Variants in KCNMB3 observed in about 807,000 individuals in gnomAD.
The protein encoded by KCNMB3 is potassium calcium-activated channel subfamily M regulatory beta subunit 3.
In KCNMB3, 18 loss-of-function variants were observed where a neutral mutation model predicts 11.9. The observed-to-expected ratio is 1.51, with a 90% CI of 1.04 to 2.23. KCNMB3 has a LOEUF of 2.23. KCNMB3 is among the 30% of genes most tolerant of loss of function. KCNMB3 has a pLI of 0.00. For synonymous variants in KCNMB3, 78 were observed against 119.2 expected (o/e 0.65, Z 2.25); for missense variants, 247 against 329.4 (o/e 0.75, Z 1.94).
At chr3:179,258,018 G>A (rs1248933171) in intron 1 of KCNMB3, among the ~76,000 whole-genome samples, 2 of 152,084 alleles carry the variant, frequency 1.3e-5, no homozygotes, top group African/African-American at 4.8e-5. Flanking sequence ...CGGAGTGGCT[G>A]GGATTACAGG....
upstream of KCNMB3, among the ~76,000 whole-genome samples, chr3:179,252,947 G>C (rs1385083314): frequency 6.6e-6 from 1 of 152,018 alleles, no homozygotes; most frequent in Non-Finnish European, 1.5e-5. Context: ...AGCCAGAATG[G>C]TCTCCATCTC....
chr3:179,251,158 C>T (rs200881459), upstream of KCNMB3: 1 of 1,613,186 alleles, frequency 6.2e-7, no homozygotes. Flanking sequence ...TTGTAGCAAA[C>T]AAGCCTAAGA....
intron 1 of KCNMB3, among the ~76,000 whole-genome samples, chr3:179,262,388 T>C (rs1346039732): frequency 6.6e-6 from 1 of 152,016 alleles, no homozygotes; most frequent in African/African-American, 2.4e-5. Context: ...CCTCTGGAGT[T>C]GTTCATTCCT....
At chr3:179,266,338 A>G (rs1305993111) in intron 1 of KCNMB3, among the ~76,000 whole-genome samples, 2 of 152,224 alleles carry the variant, frequency 1.3e-5, no homozygotes, top group East Asian at 1.9e-4. Flanking sequence ...TCCTCATTCA[A>G]CCAACAGATC....
At chr3:179,240,236 A>G, downstream of KCNMB3, 1 of 526,718 alleles carries the variant, frequency 1.9e-6, no homozygotes, top group Non-Finnish European at 3.4e-6. Flanking sequence ...GTAATGACTA[A>G]GAATACTTGA....
upstream of KCNMB3, among the ~76,000 whole-genome samples, chr3:179,254,672 C>T (rs546659071): frequency 3.2e-4 from 48 of 152,142 alleles, 1 homozygote; most frequent in Non-Finnish European, 5.7e-4. Flanking sequence ...ATTAGCTGGG[C>T]GTGGTGGCAC....
intron 1 of KCNMB3, among the ~76,000 whole-genome samples, chr3:179,261,565 T>C (rs1345685019): frequency 7.1e-6 from 1 of 141,534 alleles, no homozygotes; most frequent in African/African-American, 2.5e-5. Flanking sequence ...GCCCGCCCCA[T>C]GGCCCGCCCC....
rs747723727 is a variant in KCNMB3, at chr3:179,257,889, TGTGTGTG to T, written c.63-6962_63-6956del. ...ACATTGTTTTGTGTGTGTGTGTGTG[TGTGTGTG>T]TGTTTTTTAGACAGAGTTTCGCTCG... is the stretch of plus-strand genomic sequence containing the variant. On this transcript the variant is annotated intron_variant, in intron 1 of 3. Coordinates refer to the KCNMB3 transcript ENST00000349697. Among the ~76,000 whole-genome samples, 11 of 151,562 alleles carry T rather than the reference TGTGTGTG, an allele frequency of 7.3e-5. No individual in the cohort carries two copies. In the South Asian group the frequency reaches 1.7e-3, roughly 23 times the overall value.
At position 179,242,878 on chromosome 3, in the gene KCNMB3, G is replaced by A. The variant is rs376135200; in HGVS notation, c.*26C>T. 3.8e-6 allele frequency: 6 copies of A among 1,559,278 alleles called. No homozygotes were observed. In the African/African-American group the frequency reaches 8.2e-5, roughly 21 times the overall value. On this transcript the variant is annotated 3_prime_UTR_variant, in exon 3 of 3. Coordinates refer to ENST00000392685, the MANE Select transcript of KCNMB3 (RefSeq NM_171830.2). Reference sequence around the variant, plus strand: ...TTGCAGAAATCACAGACATCTGAAGGCCAGCACTTTAATTTGGCCACCGTC... The same window carrying A: ...TTGCAGAAATCACAGACATCTGAAGACCAGCACTTTAATTTGGCCACCGTC...
rs1004662757 is a variant in KCNMB3 at position 179,259,707 on chromosome 3, T to G, written c.62+6942A>C. ...AAGGGTTTCTATGGGTACTGGGGAT[T>G]TTTTCCTCTTCTTTTTCTTTTTCTT... On this transcript the variant is annotated intron_variant, in intron 1 of 3. Transcript: ENST00000349697. The G allele has an allele frequency of 8.8e-6, 14 of 1,593,302 alleles. No homozygotes were observed. The African/African-American group carries it at 1.5e-4, about 17-fold the overall frequency.
chr3:179,262,565 G>A (rs541206816), intron 1 of KCNMB3, among the ~76,000 whole-genome samples: 1 of 152,358 alleles, frequency 6.6e-6, no homozygotes, highest in Admixed American at 6.5e-5. Flanking sequence ...GACCTGAGCA[G>A]GTTGCCACTG....
chr3:179,247,282 AT>A (rs975834057), intron 1 of KCNMB3, among the ~76,000 whole-genome samples: 33 of 152,254 alleles, frequency 2.2e-4, no homozygotes, highest in Admixed American at 1.2e-3. Flanking sequence ...ACACACGGAC[AT>A]TTACTCAACA....
At chr3:179,261,299 C>T (rs1330702071) in intron 1 of KCNMB3, 2 of 1,260,340 alleles carry the variant, frequency 1.6e-6, no homozygotes, top group South Asian at 2.6e-5. Context: ...CCGCTCCACC[C>T]GGCGGGAAAC....
In KCNMB3 at chr3:179,261,174, G is replaced by C. The variant is rs981706244; in HGVS notation, c.62+5475C>G. Reference sequence around the variant, plus strand: ...ATGGGGATCTCACGAGCCTCCGCGCGGGCCTCCCGTTTTGCGGCGAGCCGG... The same window carrying C: ...ATGGGGATCTCACGAGCCTCCGCGCCGGCCTCCCGTTTTGCGGCGAGCCGG... On this transcript the variant is annotated intron_variant, in intron 1 of 3. Transcript: ENST00000349697. The C allele has an allele frequency of 9.7e-6, 13 of 1,335,426 alleles. No homozygotes were observed. In the African/African-American group the frequency reaches 1.0e-4, roughly 11 times the overall value. 82.7% of individuals were successfully genotyped at this position (1,335,426 alleles called of 1,614,324 possible).
chr3:179,254,421 C>T (rs1028523592), upstream of KCNMB3, among the ~76,000 whole-genome samples: 3 of 152,160 alleles, frequency 2.0e-5, no homozygotes, highest in Admixed American at 6.5e-5. Flanking sequence ...CTAAGAATTT[C>T]GTGTAATGTT....
chr3:179,259,783 TTTC>T (rs1726144451), intron 1 of KCNMB3: 2 of 1,602,252 alleles, frequency 1.2e-6, no homozygotes, highest in East Asian at 4.5e-5. Context: ...TGGTCATTCT[TTTC>T]TTCATCTGGC....
intron 1 of KCNMB3, among the ~76,000 whole-genome samples, chr3:179,263,037 C>A (rs889812112): frequency 1.2e-4 from 18 of 152,368 alleles, no homozygotes; most frequent in African/African-American, 3.8e-4. Flanking sequence ...GCCTGCCAGT[C>A]CTGTGCGTGT....
At chr3:179,251,296 C>T (rs1017559580), upstream of KCNMB3, 1 of 1,447,698 alleles carries the variant, frequency 6.9e-7, no homozygotes, top group South Asian at 1.5e-5. Context: ...AATTTGTTTA[C>T]ATTCTCCTTT....
chr3:179,259,014 T>C, intron 1 of KCNMB3: 1 of 1,614,178 alleles, frequency 6.2e-7, no homozygotes, highest in Non-Finnish European at 8.5e-7. Flanking sequence ...GCCGCCTGCC[T>C]CAGCTTAGGA....
Sources: gnomAD v4.1 joint callset for allele counts (sites outside exome capture counted in the v4.1 genomes callset) on GRCh38, gnomAD v4.1.1 for gene constraint, MANE v1.5 for transcripts, NCBI Gene and HGNC (gene_info 2026-07-23, HGNC 2026-07-21) for gene names.